LRRIQ3: variants seen among roughly 807,000 people sequenced by gnomAD.
LRRIQ3 encodes the protein leucine-rich repeat and IQ domain-containing protein 3.
LRRIQ3 carries 75 observed loss-of-function variants against 59.3 expected under a neutral mutation model. The observed-to-expected ratio is 1.26, with a 90% CI of 1.05 to 1.53. The LOEUF is 1.53. Among genes scored for constraint, LRRIQ3 ranks in the 40% most tolerant of loss-of-function variants. The pLI, the probability that LRRIQ3 is intolerant of heterozygous loss-of-function variation, is 0.00. For missense variants in LRRIQ3, 831 were observed against 710.0 expected, an observed-to-expected ratio of 1.17 and a Z score of -1.94; for synonymous variants, 250 against 231.3, an observed-to-expected ratio of 1.08 and a Z score of -0.73.
At chr1:74,112,512 C>A (rs1570135033) in intron 4 of LRRIQ3, among the ~76,000 whole-genome samples, 3 of 152,212 alleles carry the variant, frequency 2.0e-5, no homozygotes, top group Admixed American at 2.0e-4. Context: ...GGGGCCCCAA[C>A]ATAAAATGAA....
chr1:74,130,763 C>T (rs1259983155), intron 4 of LRRIQ3, among the ~76,000 whole-genome samples: 1 of 152,048 alleles, frequency 6.6e-6, no homozygotes. Context: ...TCTCTAAAGG[C>T]CCACAAGAGA....
chr1:74,196,609 CTCAGT>C (rs1651157194), intron 1 of LRRIQ3, among the ~76,000 whole-genome samples: 3 of 152,306 alleles, frequency 2.0e-5, no homozygotes, highest in South Asian at 4.1e-4. Flanking sequence ...AAAAACCTTC[CTCAGT>C]CGGAAACTTA....
At chr1:74,172,964 G>T (rs916347092) in intron 3 of LRRIQ3, among the ~76,000 whole-genome samples, 1 of 151,932 alleles carries the variant, frequency 6.6e-6, no homozygotes, top group Non-Finnish European at 1.5e-5. Flanking sequence ...TAAATCCAAG[G>T]AAAATCTCTT....
intron 4 of LRRIQ3, among the ~76,000 whole-genome samples, chr1:74,123,497 C>T (rs1349432321): frequency 6.6e-6 from 1 of 151,834 alleles, no homozygotes; most frequent in Non-Finnish European, 1.5e-5. Flanking sequence ...ATCTCTACTT[C>T]CATGAATTCA....
At chr1:74,170,325 T>C (rs1570250771) in intron 3 of LRRIQ3, among the ~76,000 whole-genome samples, 1 of 152,300 alleles carries the variant, frequency 6.6e-6, no homozygotes, top group Admixed American at 6.5e-5. Flanking sequence ...CCTTTAAGAT[T>C]TTAATTCTTT....
At chr1:74,167,701 T>C (rs1432942930) in intron 3 of LRRIQ3, among the ~76,000 whole-genome samples, 2 of 151,212 alleles carry the variant, frequency 1.3e-5, no homozygotes, top group Non-Finnish European at 2.9e-5. Flanking sequence ...ATCTCAGAAA[T>C]CACCACTAAA....
intron 3 of LRRIQ3, among the ~76,000 whole-genome samples, chr1:74,172,695 TTC>T (rs1430332176): frequency 6.6e-6 from 1 of 152,204 alleles, no homozygotes; most frequent in African/African-American, 2.4e-5. Context: ...ATTATTGTGT[TTC>T]TGTTTTCTCC....
chr1:74,041,103 G>T, intron 7 of LRRIQ3, 110 bp downstream of exon 7: 1 of 862,304 alleles, frequency 1.2e-6, no homozygotes, highest in Non-Finnish European at 1.7e-6. Flanking sequence ...TTTCAAAGTA[G>T]AATGTACTAT....
At chr1:74,150,433 A>G (rs529885237) in intron 4 of LRRIQ3, among the ~76,000 whole-genome samples, 74 of 152,142 alleles carry the variant, frequency 4.9e-4, no homozygotes, top group Non-Finnish European at 8.8e-4. Context: ...GCTTCAGGAA[A>G]TTGTAATATA....
At chr1:74,045,664 T>C (rs1275697009) in intron 6 of LRRIQ3, among the ~76,000 whole-genome samples, 1 of 152,162 alleles carries the variant, frequency 6.6e-6, no homozygotes, top group Non-Finnish European at 1.5e-5. Flanking sequence ...AAAGAGGAAG[T>C]CAAATTGTCT....
At chr1:74,133,120 A>G (rs1647054505) in intron 4 of LRRIQ3, among the ~76,000 whole-genome samples, 2 of 152,196 alleles carry the variant, frequency 1.3e-5, no homozygotes, top group African/African-American at 4.8e-5. Flanking sequence ...AATGCTCATC[A>G]TCACTGGCCA....
intron 4 of LRRIQ3, among the ~76,000 whole-genome samples, chr1:74,119,663 A>G (rs1369667754): frequency 1.3e-5 from 2 of 152,074 alleles, no homozygotes; most frequent in Non-Finnish European, 2.9e-5. Context: ...CAATTTTACC[A>G]CTATCAATTA....
At chr1:74,121,944 T>C (rs1412908557) in intron 4 of LRRIQ3, among the ~76,000 whole-genome samples, 2 of 152,100 alleles carry the variant, frequency 1.3e-5, no homozygotes, top group African/African-American at 2.4e-5. Flanking sequence ...TAGTATTCCA[T>C]GGTGTATATG....
intron 1 of LRRIQ3, among the ~76,000 whole-genome samples, chr1:74,197,238 A>G (rs1226327336): frequency 6.6e-6 from 1 of 152,202 alleles, no homozygotes; most frequent in African/African-American, 2.4e-5. Context: ...TGGTGCCCTG[A>G]ATGTCTACGT....
chr1:74,050,873 T>C (rs1654349397), intron 6 of LRRIQ3, among the ~76,000 whole-genome samples: 2 of 152,182 alleles, frequency 1.3e-5, no homozygotes, highest in African/African-American at 4.8e-5. Context: ...TTTCTTCCTA[T>C]TTTCTTAGTA....
At chr1:74,146,064 A>G (rs957113646) in intron 4 of LRRIQ3, among the ~76,000 whole-genome samples, 3 of 152,144 alleles carry the variant, frequency 2.0e-5, no homozygotes, top group African/African-American at 7.2e-5. Flanking sequence ...GTATAGTAAT[A>G]TGCTGTACAG....
chr1:74,050,965 G>A (rs1654352253), intron 6 of LRRIQ3, among the ~76,000 whole-genome samples: 1 of 152,114 alleles, frequency 6.6e-6, no homozygotes, highest in Non-Finnish European at 1.5e-5. Context: ...TATGGTATAA[G>A]ATCACCATAA....
chr1:74,072,735 T>C (rs1364538721), intron 6 of LRRIQ3, among the ~76,000 whole-genome samples: 1 of 151,970 alleles, frequency 6.6e-6, no homozygotes, highest in African/African-American at 2.4e-5. Flanking sequence ...GACTGAACCA[T>C]TTTGAAAAAA....
intron 6 of LRRIQ3, among the ~76,000 whole-genome samples, chr1:74,053,869 A>C (rs180819037): frequency 6.6e-6 from 1 of 152,106 alleles, no homozygotes; most frequent in African/African-American, 2.4e-5. Flanking sequence ...GACAACACCA[A>C]ATACTGATGA....
Sources: allele counts gnomAD v4.1 joint callset (sites outside exome capture counted in the v4.1 genomes callset), GRCh38; gene constraint gnomAD v4.1.1; transcripts MANE v1.5; gene names NCBI Gene and HGNC (gene_info 2026-07-23, HGNC 2026-07-21).